Variants in DDX46 observed in about 807,000 individuals in gnomAD.
DDX46 encodes probable ATP-dependent RNA helicase DDX46.
A neutral mutation model predicts 134.9 loss-of-function variants in DDX46; 30 were observed. The observed-to-expected ratio is 0.22, with a 90% CI of 0.17 to 0.30. The LOEUF is 0.30. Ranked by LOEUF, DDX46 falls within the 10% of genes least tolerant of loss-of-function variation. The pLI is 1.00. For synonymous variants in DDX46, 415 were observed against 404.1 expected (o/e 1.03, Z -0.32); for missense variants, 622 against 1,248.7 (o/e 0.50, Z 7.56).
intron 13 of DDX46, among the ~76,000 whole-genome samples, chr5:134,792,037 C>T (rs1754519568): frequency 6.6e-6 from 1 of 152,062 alleles, no homozygotes; most frequent in Non-Finnish European, 1.5e-5. Flanking sequence ...ATTAGCTGGA[C>T]ATGGTGACGG....
Position 134,818,116 on chromosome 5 carries a change from A to G in DDX46, c.2832+402A>G, listed in dbSNP as rs1755332633. 3.3e-5 allele frequency among the ~76,000 whole-genome samples: 5 copies of G among 151,432 alleles called. No individual in the cohort carries two copies. The South Asian group carries it at 1.0e-3, about 32-fold the overall frequency. ...AGGCATGCGCCACCATGCCCAGCTT[A>G]TTTTTGTATTTTTAGTATTTTTAGT... On this transcript the variant is annotated intron_variant, in intron 20 of 22. Coordinates refer to ENST00000452510, the MANE Select transcript of DDX46 (RefSeq NM_001300860.2).
intron 15 of DDX46, 72 bp downstream of exon 15, chr5:134,796,222 G>A (rs1163218507): frequency 2.6e-6 from 4 of 1,512,920 alleles, no homozygotes; most frequent in Non-Finnish European, 3.6e-6. Flanking sequence ...TGTTCTCGAT[G>A]ATACTTACTT....
chr5:134,763,844 A>G (rs1274726047), intron 1 of DDX46, 60 bp from the exon 2 acceptor site: 5 of 1,471,802 alleles, frequency 3.4e-6, no homozygotes, highest in Non-Finnish European at 4.6e-6. Context: ...AAAAAATGTA[A>G]TAAAATGTAA....
At position 134,781,137 on chromosome 5, in the gene DDX46, C is replaced by T; in HGVS notation, c.770C>T (p.Ser257Phe). ...TATATTTGTTCTTTATTTTAGAAGT[C>T]TGGGCCAACGGTCACAAAAGTTGTC... ...VKGGGGNEKK[S>F]GPTVTKVVTV... The change falls in exon 7 of 23, where the codon TCT becomes TTT. Residue 257 changes from serine to phenylalanine, a missense_variant. Around this residue, in one of 8 missense-constraint regions of DDX46, gnomAD observed 244 missense variants for 349.3 expected, o/e 0.70. Coordinates refer to ENST00000452510, the MANE Select transcript of DDX46 (RefSeq NM_001300860.2). The T allele has an allele frequency of 1.9e-6, 3 of 1,570,938 alleles. No homozygotes were observed. Among genetic ancestry groups the T allele is most frequent in the Non-Finnish European group, 2.6e-6 (3 of 1,168,688 alleles).
intron 21 of DDX46, among the ~76,000 whole-genome samples, chr5:134,823,999 G>A (rs747469675): frequency 9.2e-5 from 14 of 152,192 alleles, no homozygotes; most frequent in Middle Eastern, 3.4e-3. Flanking sequence ...AATTCTTTTC[G>A]TAATTCATTT....
At position 134,823,902 on chromosome 5, in the gene DDX46, A is replaced by G. The variant is rs144289468; in HGVS notation, c.2978-3045A>G. On this transcript the variant is annotated intron_variant, in intron 21 of 22. Coordinates refer to ENST00000452510, the MANE Select transcript of DDX46 (RefSeq NM_001300860.2). ...AGGATTTTATTTTCTGCTTGAATAC[A>G]TGGGTATCATTTAAGCAAAATTAAT... 9.0e-4 allele frequency among the ~76,000 whole-genome samples: 137 copies of G among 152,320 alleles called. 3 individuals carry two copies. In the East Asian group the frequency reaches 0.026, roughly 29 times the overall value.
intron 18 of DDX46, 87 bp downstream of exon 18, chr5:134,811,932 CA>C: frequency 6.8e-7 from 1 of 1,474,312 alleles, no homozygotes; most frequent in Non-Finnish European, 9.0e-7. Flanking sequence ...TCAAGATAGA[CA>C]ATCACTGGAA....
rs1554150789 is a variant in DDX46 at position 134,795,215 on chromosome 5, T to TTG, written c.1791+202_1791+203insGT. On this transcript the variant is annotated intron_variant, in intron 14 of 22. Transcript: ENST00000452510. ...TATTTAAAATGCTTGTTTTTTTTTT[T>TTG]TTTTGTTTTTTTTTTGCTGGGTGCA... Among the ~76,000 whole-genome samples the TTG allele has an allele frequency of 3.3e-3, 488 of 149,232 alleles. 2 individuals are homozygous for TTG. The highest frequency in any genetic ancestry group is 9.3e-3 in the South Asian group (44 of 4,750).
chr5:134,825,996 C>T (rs189816894), intron 21 of DDX46: 1 of 152,272 alleles, frequency 6.6e-6, no homozygotes, highest in Admixed American at 6.5e-5. Flanking sequence ...TTTCACTGTT[C>T]ATATCCCATC....
chr5:134,798,821 A>G (rs1754743160), intron 15 of DDX46, among the ~76,000 whole-genome samples: 1 of 152,194 alleles, frequency 6.6e-6, no homozygotes, highest in Non-Finnish European at 1.5e-5. Context: ...TTTTCTTTGT[A>G]AGGCTGACTA....
At chr5:134,789,333 TTAAA>T (rs1170813627) in intron 12 of DDX46, 1 of 152,242 alleles carries the variant, frequency 6.6e-6, no homozygotes, top group Non-Finnish European at 1.5e-5. Context: ...TGTGGAATAC[TTAAA>T]TATTAGATAG....
intron 6 of DDX46, among the ~76,000 whole-genome samples, chr5:134,780,190 ATATG>A (rs1218647714): frequency 9.9e-5 from 15 of 151,402 alleles, no homozygotes; most frequent in African/African-American, 3.4e-4. Flanking sequence ...GTGTATGTAT[ATATG>A]TATGTGTATG....
At chr5:134,791,492 C>T (rs985135161) in intron 13 of DDX46, among the ~76,000 whole-genome samples, 2 of 151,298 alleles carry the variant, frequency 1.3e-5, no homozygotes, top group African/African-American at 2.4e-5. Context: ...ACCCGGGCGG[C>T]GGAGCTTGCA....
chr5:134,775,406 T>G (rs1454914262), intron 5 of DDX46, among the ~76,000 whole-genome samples: 1 of 152,176 alleles, frequency 6.6e-6, no homozygotes, highest in Non-Finnish European at 1.5e-5. Context: ...TTTAAATAGA[T>G]TCTATCTATA....
rs1186623966 is a variant in DDX46, at chr5:134,777,708, G to A, written c.748G>A (p.Gly250Ser). Residue 250 changes from glycine to serine, a missense_variant, in exon 6 of 23, where the codon GGT (glycine) becomes AGT (serine). By Grantham distance (56) the Gly-to-Ser change is moderately conservative. Transcript: ENST00000452510. Reference protein sequence around the residue: ...KKFNMRSVKGGGGNEKKSGPT... With the variant: ...KKFNMRSVKGSGGNEKKSGPT... ...ATTTAACATGAGAAGTGTAAAAGGT[G>A]GTGGGGGAAATGAAAAGGTATGGAA... 6.2e-7 allele frequency: 1 copy of A among 1,602,038 alleles called. No homozygotes were observed. The highest frequency in any genetic ancestry group is 8.5e-7 in the Non-Finnish European group (1 of 1,177,190).
chr5:134,806,463 A>G (rs1754989832), intron 15 of DDX46, among the ~76,000 whole-genome samples: 1 of 152,186 alleles, frequency 6.6e-6, no homozygotes, highest in African/African-American at 2.4e-5. Context: ...AATCAATTTT[A>G]TGTGATTATG....
chr5:134,759,005 G>C (rs1394962696), intron 1 of DDX46, 50 bp downstream of exon 1: 3 of 1,601,710 alleles, frequency 1.9e-6, no homozygotes, highest in East Asian at 4.5e-5. Context: ...TCTTGGGGTC[G>C]TGAGAAGAGG....
chr5:134,782,973 G>C lies in DDX46; in HGVS notation c.1074G>C (p.Glu358Asp). Residue 358 changes from glutamate to aspartate, a missense_variant, in exon 9 of 23, where the codon GAG (glutamate) becomes GAC (aspartate). By Grantham distance (45) the Glu-to-Asp change is conservative (BLOSUM62 2). Around this residue, in one of 8 missense-constraint regions of DDX46, gnomAD observed 63 missense variants for 84.0 expected, o/e 0.75. Transcript: ENST00000452510. Reference protein sequence around the residue: ...EEVNVFRLEMEGITVKGKGCP... With the variant: ...EEVNVFRLEMDGITVKGKGCP... Reference sequence around the variant, plus strand: ...TAAATGTGTTTCGATTGGAAATGGAGGGCATTACAGTTAAAGGAAAAGGTT... The same window carrying C: ...TAAATGTGTTTCGATTGGAAATGGACGGCATTACAGTTAAAGGAAAAGGTT... The C allele has an allele frequency of 1.2e-6, 2 of 1,613,678 alleles. No individual in the cohort carries two copies. The highest frequency in any genetic ancestry group is 1.7e-6 in the Non-Finnish European group (2 of 1,179,766).
Position 134,766,951 on chromosome 5 carries a change from G to C in DDX46, c.241G>C (p.Glu81Gln). 6.2e-7 allele frequency: 1 copy of C among 1,614,060 alleles called. No individual in the cohort carries two copies. The highest frequency in any genetic ancestry group is 8.5e-7 in the Non-Finnish European group (1 of 1,179,984). The change falls in exon 3 of 23, where the codon GAG becomes CAG. Residue 81 changes from glutamate to glutamine, a missense_variant. By Grantham distance (29) the Glu-to-Gln change is conservative. This residue lies in a region of DDX46 where 244 missense variants were observed against 349.3 expected (regional missense o/e 0.70). Coordinates refer to ENST00000452510, the MANE Select transcript of DDX46 (RefSeq NM_001300860.2). The part of the protein sequence containing the change: ...SRSRERDRSR[E>Q]RRRSRSRDRR... The stretch of plus-strand genomic sequence containing the variant: ...AAGTAGAGAGAGAGACAGAAGCCGA[G>C]AGCGAAGAAGATCTCGAAGTAGAGA...
Sources: gnomAD v4.1 joint callset for allele counts (sites outside exome capture counted in the v4.1 genomes callset) on GRCh38, gnomAD v4.1.1 for gene constraint, gnomAD v4.1.1 regional missense constraint, MANE v1.5 for transcripts, NCBI Gene and HGNC (gene_info 2026-07-23, HGNC 2026-07-21) for gene names.